Variants in RAB44 observed in about 807,000 individuals in gnomAD.
RAB44 encodes the protein ras-related protein Rab-44.
In RAB44, 67 loss-of-function variants were observed where a neutral mutation model predicts 93.3. The observed-to-expected ratio is 0.72, with a 90% CI of 0.59 to 0.88. The LOEUF (loss-of-function observed/expected upper bound fraction) is 0.88. Among genes scored for constraint, RAB44 ranks in the 40% least tolerant of loss-of-function variants. The pLI is 0.00. For missense variants in RAB44, 1,064 were observed against 1,261.7 expected, an observed-to-expected ratio of 0.84 and a Z score of 2.37; for synonymous variants, 427 against 520.3, an observed-to-expected ratio of 0.82 and a Z score of 2.44.
chr6:36,723,771 CT>C lies in RAB44; in HGVS notation c.2599+1040del, dbSNP rs1447982602. Among the ~76,000 whole-genome samples the C allele has an allele frequency of 1.7e-4, 25 of 147,100 alleles. 1 individual carries two copies. Among genetic ancestry groups the C allele is most frequent in the Admixed American group, 7.0e-4 (10 of 14,352 alleles). ...AATGACGTGAACCCAGGAGGCGGTG[CT>C]TGCAGTGAGTCGAGATCGCACCACT... On this transcript the variant is annotated intron_variant, in intron 9 of 13. Coordinates refer to ENST00000612677, the MANE Select transcript of RAB44 (RefSeq NM_001257357.2).
chr6:36,728,822 C>T, intron 12 of RAB44, 21 bp downstream of exon 12: 1 of 1,538,162 alleles, frequency 6.5e-7, no homozygotes, highest in East Asian at 2.4e-5. Context: ...GGGCATCAGC[C>T]CGTCTCTGTG....
intron 2 of RAB44, among the ~76,000 whole-genome samples, chr6:36,704,807 G>T (rs1173058433): frequency 6.6e-6 from 1 of 152,192 alleles, no homozygotes; most frequent in Non-Finnish European, 1.5e-5. Flanking sequence ...GATCAGCCAT[G>T]GTTGTGTGTC....
At chr6:36,713,346 C>G (rs896515124) in intron 2 of RAB44, among the ~76,000 whole-genome samples, 1 of 152,168 alleles carries the variant, frequency 6.6e-6, no homozygotes, top group Non-Finnish European at 1.5e-5. Context: ...CAGTCGCTTG[C>G]CACCATGCCT....
intron 3 of RAB44, 127 bp downstream of exon 3, chr6:36,714,066 G>A: frequency 1.5e-6 from 1 of 660,786 alleles, no homozygotes; most frequent in East Asian, 2.8e-5. Context: ...ATCCCCGGCT[G>A]CCACAGTGGT....
chr6:36,706,164 T>C (rs9380591), intron 2 of RAB44, among the ~76,000 whole-genome samples: 32,931 of 152,034 alleles, frequency 0.22, 4,757 homozygotes, highest in African/African-American at 0.41. Context: ...GTTTCACACC[T>C]GCTGAGATTA....
intron 10 of RAB44, among the ~76,000 whole-genome samples, chr6:36,726,800 G>A (rs1763248428): frequency 7.0e-6 from 1 of 142,992 alleles, no homozygotes; most frequent in African/African-American, 2.5e-5. Context: ...GTACTAATAG[G>A]GATTTTTTTT....
At chr6:36,709,254 T>C (rs1159883598) in intron 2 of RAB44, among the ~76,000 whole-genome samples, 6 of 152,064 alleles carry the variant, frequency 3.9e-5, no homozygotes. Flanking sequence ...CCAAGCCTAT[T>C]TATCATCAAT....
intron 2 of RAB44, among the ~76,000 whole-genome samples, chr6:36,713,088 C>T (rs1762827121): frequency 6.6e-6 from 1 of 152,244 alleles, no homozygotes; most frequent in African/African-American, 2.4e-5. Context: ...GGGCCATCTC[C>T]TAGACCTTAG....
intron 3 of RAB44, 116 bp downstream of exon 3, chr6:36,714,055 C>A (rs6916443): frequency 2.0e-5 from 14 of 683,210 alleles, no homozygotes; most frequent in Non-Finnish European, 3.1e-5. Context: ...TTTCACCCCC[C>A]ATCCCCGGCT....
chr6:36,709,004 G>A (rs1422499876), intron 2 of RAB44, among the ~76,000 whole-genome samples: 1 of 151,818 alleles, frequency 6.6e-6, no homozygotes, highest in Non-Finnish European at 1.5e-5. Flanking sequence ...GAGTGCAATG[G>A]CGTGATCTTG....
In RAB44 at chr6:36,722,428, C is replaced by T; in HGVS notation, c.2294C>T (p.Pro765Leu). The part of the protein sequence containing the change: ...GAGPQEPTQT[P>L]PTMAEQEAQP... Reference sequence around the variant, plus strand: ...GGACCCCAGGAACCCACGCAAACCCCTCCCACCATGGCTGAGCAGGAAGCC... The same window carrying T: ...GGACCCCAGGAACCCACGCAAACCCTTCCCACCATGGCTGAGCAGGAAGCC... Residue 765 changes from proline to leucine, a missense_variant, in exon 9 of 14, where the codon CCT becomes CTT. By Grantham distance (98) the Pro-to-Leu change is moderately conservative (BLOSUM62 -3). Transcript: ENST00000612677. The T allele has an allele frequency of 7.0e-7, 1 of 1,426,690 alleles. No individual in the cohort carries two copies. Among genetic ancestry groups the T allele is most frequent in the Non-Finnish European group, 9.1e-7 (1 of 1,094,164 alleles). 88.4% of individuals were successfully genotyped at this position (1,426,690 alleles called of 1,614,324 possible).
intron 2 of RAB44, among the ~76,000 whole-genome samples, chr6:36,706,911 A>G (rs1179486923): frequency 6.6e-6 from 1 of 152,130 alleles, no homozygotes; most frequent in Admixed American, 6.6e-5. Context: ...TATTTTTTAT[A>G]GAGGCAGGGT....
Position 36,717,263 on chromosome 6 carries a change from C to A in RAB44, c.495-10C>A, listed in dbSNP as rs150979697. ...GACCCTCCCATCTCTGGCTGTCTTC[C>A]CCTCCCCAGGCAGATGGAAATCTGG... On this transcript the variant is annotated splice_polypyrimidine_tract_variant and intron_variant, in intron 4 of 13. Transcript: ENST00000612677. This position sits in a 1 kb window ranked among gnomAD's most constrained non-coding sequence, Gnocchi z 4.1. 1.0e-3 allele frequency: 1,237 copies of A among 1,232,162 alleles called. 7 individuals carry two copies. In the African/African-American group the frequency reaches 0.016, roughly 16 times the overall value. The allele number at this position is 1,232,162 out of a possible 1,614,324, so 76.3% of individuals were successfully genotyped here. A position where few individuals can be genotyped will look rare whatever the true frequency, so the allele number is the denominator to read the frequency against.
At chr6:36,727,960 C>A (rs1763277523) in intron 11 of RAB44, among the ~76,000 whole-genome samples, 1 of 152,208 alleles carries the variant, frequency 6.6e-6, no homozygotes, top group Non-Finnish European at 1.5e-5. Context: ...ATGTCTTCTT[C>A]TTACACTTGA....
Position 36,722,663 on chromosome 6 carries a change from C to A in RAB44, c.2529C>A (p.Asn843Lys). Residue 843 changes from asparagine (N) to lysine (K), a missense_variant, in exon 9 of 14, where the codon AAC (asparagine) becomes AAA (lysine). By Grantham distance (94) the Asn-to-Lys change is moderately conservative. Transcript: ENST00000612677. ...ATGTCATCTTTCTGGGAGACTCCAA[C>A]GTGGGCAAAACATCCTTCCTGCACC... Reference protein sequence around the residue: ...LFHVIFLGDSNVGKTSFLHLL... With the variant: ...LFHVIFLGDSKVGKTSFLHLL... The A allele has an allele frequency of 1.3e-6, 2 of 1,550,678 alleles. No homozygotes were observed. Among genetic ancestry groups the A allele is most frequent in the Non-Finnish European group, 1.7e-6 (2 of 1,147,014 alleles).
rs1304773306 is a variant in RAB44, at chr6:36,732,813, CA to C, written c.*721del. 1.3e-5 allele frequency: 2 copies of C among 152,272 alleles called. No homozygotes were observed. Among genetic ancestry groups the C allele is most frequent in the Admixed American group, 6.5e-5 (1 of 15,278 alleles). 9.4% of individuals were successfully genotyped at this position (152,272 alleles called of 1,614,324 possible). A position where few individuals can be genotyped will look rare whatever the true frequency, so the allele number is the denominator to read the frequency against. ...TCCCCACCATACAAAACACACCTCC[CA>C]GGGGTCACATTTGGGGGTCCCGCCC... On this transcript the variant is annotated 3_prime_UTR_variant, in exon 14 of 14. Coordinates refer to ENST00000612677, the MANE Select transcript of RAB44 (RefSeq NM_001257357.2).
rs1332637211 is a variant in RAB44, at chr6:36,708,278, A to ACATAAAG, written c.207+3840_207+3846dup. Among the ~76,000 whole-genome samples, 5 of 152,114 alleles carry ACATAAAG rather than the reference A, an allele frequency of 3.3e-5. No homozygotes were observed. The East Asian group carries it at 9.6e-4, about 29-fold the overall frequency. On this transcript the variant is annotated intron_variant, in intron 2 of 13. Transcript: ENST00000612677. ...TCATTGAAAAATCTCCAGGGCCTTC[A>ACATAAAG]CATAAAGCATGCAATTTCTGAAATA... is the stretch of plus-strand genomic sequence containing the variant.
At position 36,722,533 on chromosome 6, in the gene RAB44, G is replaced by A; in HGVS notation, c.2399G>A (p.Arg800Lys). 1 of 1,538,692 alleles carries A rather than the reference G, an allele frequency of 6.5e-7. No homozygotes were observed. The highest frequency in any genetic ancestry group is 8.8e-7 in the Non-Finnish European group (1 of 1,140,348). ...PHSREPRAES[R>K]LEDPGMDSRE... ...TCCAGGGAACCAAGGGCAGAGAGCAGGCTTGAAGATCCAGGAATGGACTCC... is the reference window on the plus strand; with the variant it reads ...TCCAGGGAACCAAGGGCAGAGAGCAAGCTTGAAGATCCAGGAATGGACTCC... The change falls in exon 9 of 14, where the codon AGG becomes AAG. Residue 800 changes from arginine (R) to lysine (K), a missense_variant. Transcript: ENST00000612677.
intron 10 of RAB44, among the ~76,000 whole-genome samples, chr6:36,726,731 G>A (rs2150341279): frequency 6.6e-6 from 1 of 151,952 alleles, no homozygotes; most frequent in African/African-American, 2.4e-5. Flanking sequence ...AAATAAAGGA[G>A]GGTCAATCTA....
Sources: allele counts gnomAD v4.1 joint callset (sites outside exome capture counted in the v4.1 genomes callset), GRCh38; gene constraint gnomAD v4.1.1; non-coding constraint Gnocchi (gnomAD v3.1); transcripts MANE v1.5; gene names NCBI Gene and HGNC (gene_info 2026-07-23, HGNC 2026-07-21).